Variants in NALF1 observed in about 807,000 individuals in gnomAD.
NALF1 encodes the protein family with sequence similarity 155 member A.
In NALF1, 3 loss-of-function variants were observed where a neutral mutation model predicts 48.4. The ratio of observed to expected loss-of-function variants is 0.06; its 90% CI spans 0.03 to 0.16. NALF1 has a LOEUF of 0.16. Ranked by LOEUF, NALF1 falls within the 10% of genes least tolerant of loss-of-function variation. The pLI is 1.00. For synonymous variants in NALF1, 262 were observed against 245.7 expected, an observed-to-expected ratio of 1.07 and a Z score of -0.62; for missense variants, 526 against 571.5, an observed-to-expected ratio of 0.92 and a Z score of 0.81.
intron 1 of NALF1, among the ~76,000 whole-genome samples, chr13:107,406,214 C>A (rs182984801): frequency 9.2e-5 from 14 of 151,964 alleles, no homozygotes; most frequent in Non-Finnish European, 1.8e-4. Context: ...AATTACATTG[C>A]CTTTGGAATA....
intron 1 of NALF1, among the ~76,000 whole-genome samples, chr13:107,236,671 G>GTCTGTCTATCTATCTA (rs1430062997): frequency 1.4e-5 from 2 of 140,628 alleles, no homozygotes; most frequent in African/African-American, 2.7e-5. Context: ...CCATCTGTCT[G>GTCTGTCTATCTATCTA]TCTATCTATC....
intron 1 of NALF1, among the ~76,000 whole-genome samples, chr13:107,281,838 G>A (rs1881393430): frequency 1.3e-5 from 2 of 152,166 alleles, no homozygotes; most frequent in African/African-American, 4.8e-5. Context: ...GAATGGAGGA[G>A]GAACTACCAA....
intron 1 of NALF1, among the ~76,000 whole-genome samples, chr13:107,288,787 C>A (rs940897792): frequency 6.6e-6 from 1 of 151,996 alleles, no homozygotes; most frequent in Admixed American, 6.6e-5. Context: ...CTCGCCTCGG[C>A]CTCCCAAATT....
chr13:107,428,482 G>C (rs1884319176), intron 1 of NALF1, among the ~76,000 whole-genome samples: 1 of 152,114 alleles, frequency 6.6e-6, no homozygotes, highest in Admixed American at 6.5e-5. Context: ...TCTATAATTT[G>C]AGCAGTGTAT....
chr13:107,641,861 T>G (rs1413087189), intron 1 of NALF1, among the ~76,000 whole-genome samples: 1 of 152,176 alleles, frequency 6.6e-6, no homozygotes, highest in Non-Finnish European at 1.5e-5. Flanking sequence ...CAAGCGTTTC[T>G]GTATATTACA....
chr13:107,211,960 G>C (rs1234990956), intron 1 of NALF1, among the ~76,000 whole-genome samples: 1 of 152,092 alleles, frequency 6.6e-6, no homozygotes, highest in Non-Finnish European at 1.5e-5. Context: ...ATTAGGTAAT[G>C]GAAATGGAAA....
At position 107,166,704 on chromosome 13, in the gene NALF1, A is replaced by G. The variant is rs1281625103; in HGVS notation, c.*3793T>C. The G allele has an allele frequency of 6.6e-6, 1 of 152,106 alleles. No homozygotes were observed. Among genetic ancestry groups the G allele is most frequent in the African/African-American group, 2.4e-5 (1 of 41,418 alleles). The allele number at this position is 152,106 out of a possible 1,614,324, so 9.4% of individuals were successfully genotyped here. A position where few individuals can be genotyped will look rare whatever the true frequency, so the allele number is the denominator to read the frequency against. ...ATGTTTTTTTCCCCCGGAAAAAAGT[A>G]TGTACTTATTCATTCATATGAAACC... On this transcript the variant is annotated 3_prime_UTR_variant, in exon 3 of 3. Coordinates refer to ENST00000375915, the MANE Select transcript of NALF1 (RefSeq NM_001080396.3).
chr13:107,797,310 A>G (rs949627196), intron 1 of NALF1, among the ~76,000 whole-genome samples: 1 of 151,992 alleles, frequency 6.6e-6, no homozygotes, highest in African/African-American at 2.4e-5. Flanking sequence ...GGTTCATGCC[A>G]TTCTCCTGCC....
intron 2 of NALF1, among the ~76,000 whole-genome samples, chr13:107,209,498 CA>C (rs61177208): frequency 0.5 from 71,558 of 142,626 alleles, 17,588 homozygotes; most frequent in African/African-American, 0.6. Flanking sequence ...GACTCCATCT[CA>C]AAAAAAAAAA....
intron 1 of NALF1, among the ~76,000 whole-genome samples, chr13:107,725,189 TC>T (rs1174944150): frequency 6.6e-6 from 1 of 152,188 alleles, no homozygotes; most frequent in African/African-American, 2.4e-5. Context: ...TTAAGACAAA[TC>T]CTTCAAATTG....
At chr13:107,709,425 A>C (rs1411421382) in intron 1 of NALF1, among the ~76,000 whole-genome samples, 2 of 152,174 alleles carry the variant, frequency 1.3e-5, no homozygotes, top group Non-Finnish European at 2.9e-5. Context: ...ATAATTCATG[A>C]CACCCTCTGT....
intron 1 of NALF1, among the ~76,000 whole-genome samples, chr13:107,799,494 G>A (rs1436426818): frequency 6.6e-6 from 1 of 152,134 alleles, no homozygotes; most frequent in Non-Finnish European, 1.5e-5. Context: ...AAATGATGAA[G>A]TCAGCTTTTC....
Position 107,412,027 on chromosome 13 carries a change from C to T in NALF1, c.916-201272G>A, listed in dbSNP as rs189526923. 4.6e-5 allele frequency among the ~76,000 whole-genome samples: 7 copies of T among 152,264 alleles called. No homozygotes were observed. The East Asian group carries it at 1.4e-3, about 29-fold the overall frequency. On this transcript the variant is annotated intron_variant, in intron 1 of 2. Transcript: ENST00000375915. The stretch of plus-strand genomic sequence containing the variant: ...AAAAAATGAAACCCACTGGCATGAT[C>T]TGATTTGCACTTTATGAACCGCACA...
chr13:107,430,541 C>T (rs906492223), intron 1 of NALF1, among the ~76,000 whole-genome samples: 6 of 152,124 alleles, frequency 3.9e-5, no homozygotes, highest in Non-Finnish European at 5.9e-5. Flanking sequence ...TGAGTGAGAA[C>T]ATGCGGTGGT....
chr13:107,394,320 A>C (rs1182336259), intron 1 of NALF1, among the ~76,000 whole-genome samples: 1 of 152,342 alleles, frequency 6.6e-6, no homozygotes, highest in East Asian at 1.9e-4. Flanking sequence ...GTACCTGAGA[A>C]AATCTCAACA....
At chr13:107,180,512 T>C (rs1879038711) in intron 2 of NALF1, among the ~76,000 whole-genome samples, 1 of 152,028 alleles carries the variant, frequency 6.6e-6, no homozygotes, top group Admixed American at 6.5e-5. Context: ...TTTAAAATTA[T>C]AAAATAATTC....
At chr13:107,695,661 T>C (rs187625176) in intron 1 of NALF1, among the ~76,000 whole-genome samples, 7 of 152,336 alleles carry the variant, frequency 4.6e-5, no homozygotes, top group Non-Finnish European at 1.0e-4. Context: ...GAGCAAATAA[T>C]ACCATTCTCC....
chr13:107,214,394 C>T (rs1161319822), intron 1 of NALF1, among the ~76,000 whole-genome samples: 1 of 152,172 alleles, frequency 6.6e-6, no homozygotes, highest in Non-Finnish European at 1.5e-5. Flanking sequence ...GCTTGGCCTT[C>T]TCCTATAGAG....
chr13:107,501,097 TATA>T (rs1481713841), intron 1 of NALF1, among the ~76,000 whole-genome samples: 1 of 151,564 alleles, frequency 6.6e-6, no homozygotes, highest in Non-Finnish European at 1.5e-5. Flanking sequence ...AAACTTAAAG[TATA>T]ATAATAATAA....
Sources: allele counts gnomAD v4.1 joint callset (sites outside exome capture counted in the v4.1 genomes callset), GRCh38; gene constraint gnomAD v4.1.1; transcripts MANE v1.5; gene names NCBI Gene and HGNC (gene_info 2026-07-23, HGNC 2026-07-21).